Variants in MAP3K9 observed in about 807,000 individuals in gnomAD.
MAP3K9 encodes the protein mitogen-activated protein kinase kinase kinase 9, also known as mixed lineage kinase 1 (tyr and ser/thr specificity).
In MAP3K9, 46 loss-of-function variants were observed where a neutral mutation model predicts 95.8. The observed-to-expected ratio is 0.48, with a 90% CI of 0.38 to 0.61. MAP3K9 has a LOEUF of 0.61. Ranked by LOEUF, MAP3K9 falls within the 20% of genes least tolerant of loss-of-function variation. MAP3K9 has a pLI of 0.00. For missense variants in MAP3K9, 1,296 were observed against 1,474.3 expected, an observed-to-expected ratio of 0.88 and a Z score of 1.98; for synonymous variants, 533 against 593.8, an observed-to-expected ratio of 0.90 and a Z score of 1.49.
intron 10 of MAP3K9, chr14:70,733,777 A>T (rs2053947079): frequency 1.4e-6 from 1 of 718,420 alleles, no homozygotes; most frequent in Non-Finnish European, 2.6e-6. Context: ...GATGGGCACC[A>T]CCCAACTGGC....
chr14:70,777,648 G>A (rs1307375074), intron 2 of MAP3K9, among the ~76,000 whole-genome samples: 1 of 152,012 alleles, frequency 6.6e-6, no homozygotes, highest in Non-Finnish European at 1.5e-5. Context: ...AAGGACCACT[G>A]GTCACCAGAG....
intron 3 of MAP3K9, among the ~76,000 whole-genome samples, chr14:70,760,728 A>T (rs1199987208): frequency 1.3e-5 from 2 of 152,112 alleles, no homozygotes; most frequent in Non-Finnish European, 2.9e-5. Context: ...ATGGGAGTAC[A>T]TGTTGCCCCT....
chr14:70,789,341 A>G (rs2054782369), intron 2 of MAP3K9, among the ~76,000 whole-genome samples: 1 of 152,214 alleles, frequency 6.6e-6, no homozygotes, highest in South Asian at 2.1e-4. Flanking sequence ...AGGGCTGCCT[A>G]AAATCCTCTT....
chr14:70,742,266 A>G, intron 6 of MAP3K9, 85 bp downstream of exon 6: 4 of 1,526,158 alleles, frequency 2.6e-6, no homozygotes, highest in Non-Finnish European at 3.5e-6. Flanking sequence ...CATGTTTCCA[A>G]GCTCAGTCCC....
chr14:70,798,134 C>A (rs2054885011), intron 2 of MAP3K9, among the ~76,000 whole-genome samples: 1 of 152,216 alleles, frequency 6.6e-6, no homozygotes. Context: ...CCCTCTCCTA[C>A]AAACAGCAGA....
chr14:70,773,542 TTAC>T (rs1254304714), intron 2 of MAP3K9, among the ~76,000 whole-genome samples: 1 of 152,202 alleles, frequency 6.6e-6, no homozygotes, highest in Non-Finnish European at 1.5e-5. Context: ...CTCAGAACAT[TTAC>T]TACATTTTCC....
intron 2 of MAP3K9, among the ~76,000 whole-genome samples, chr14:70,794,648 C>A (rs986683286): frequency 1.3e-5 from 2 of 151,292 alleles, no homozygotes; most frequent in African/African-American, 4.9e-5. Flanking sequence ...GTGTTTTTAC[C>A]CCTGTTTTTC....
chr14:70,757,914 G>C (rs886345463), intron 3 of MAP3K9, among the ~76,000 whole-genome samples: 5 of 152,062 alleles, frequency 3.3e-5, no homozygotes, highest in African/African-American at 4.8e-5. Flanking sequence ...AAATGGATCA[G>C]AGACATAAAA....
At chr14:70,766,148 T>C (rs2054452362) in intron 2 of MAP3K9, among the ~76,000 whole-genome samples, 1 of 152,078 alleles carries the variant, frequency 6.6e-6, no homozygotes, top group Non-Finnish European at 1.5e-5. Flanking sequence ...AAAAGCCCAT[T>C]TGAAGAAGCC....
At position 70,733,009 on chromosome 14, in the gene MAP3K9, G is replaced by A. The variant is rs367998651; in HGVS notation, c.2360C>T (p.Ala787Val). 1.5e-5 allele frequency: 24 copies of A among 1,614,030 alleles called. No individual in the cohort carries two copies. In the African/African-American group the frequency reaches 2.9e-4, roughly 20 times the overall value. The change falls in exon 11 of 12, where the codon GCC (alanine) becomes GTC (valine). Residue 787 changes from alanine (A) to valine (V), a missense_variant. Transcript: ENST00000554752. ...LLPLEEPEPP[A>V]REEKKRREGL... ...CTCCCGTCTTTTCTTCTCCTCCCGG[G>A]CTGGTGGCTCAGGCTCCTCCAGGGG...
At chr14:70,749,153 C>G (rs2054191567) in intron 4 of MAP3K9, 149 bp from the exon 5 acceptor site, 1 of 708,738 alleles carries the variant, frequency 1.4e-6, no homozygotes, top group Non-Finnish European at 2.3e-6. Context: ...TCAAATAAGG[C>G]TCAGGAAGTA....
chr14:70,797,300 C>A lies in MAP3K9; in HGVS notation c.820+3367G>T, dbSNP rs558749456. ...GGAAAACAAACCAGTGTTCCCAAGTCTATAAAATACAAAGAAGTTATGGCT... is the reference window on the plus strand; with the variant it reads ...GGAAAACAAACCAGTGTTCCCAAGTATATAAAATACAAAGAAGTTATGGCT... On this transcript the variant is annotated intron_variant, in intron 2 of 11. Transcript: ENST00000554752. Among the ~76,000 whole-genome samples the A allele has an allele frequency of 2.6e-5, 4 of 152,168 alleles. No individual in the cohort carries two copies. In the East Asian group the frequency reaches 7.7e-4, roughly 29 times the overall value.
intron 2 of MAP3K9, among the ~76,000 whole-genome samples, chr14:70,763,429 C>A (rs932682893): frequency 3.3e-5 from 5 of 152,156 alleles, no homozygotes; most frequent in Non-Finnish European, 7.3e-5. Flanking sequence ...TGTAAACAAA[C>A]CTACTGTGCA....
rs757095313 is a variant in MAP3K9 at position 70,742,332 on chromosome 14, C to A, written c.1567+19G>T. 1.3e-5 allele frequency: 21 copies of A among 1,609,468 alleles called. No homozygotes were observed. In the East Asian group the frequency reaches 4.5e-4, roughly 34 times the overall value. ...TCTTTGCCCTGCTCCCACTTCCCAG[C>A]CAGTCCCCGGCCACTGACCAGAAGG... On this transcript the variant is annotated intron_variant, in intron 6 of 11. Transcript: ENST00000554752.
In MAP3K9 at chr14:70,740,017, C is replaced by T. The variant is rs747048431; in HGVS notation, c.1690+25G>A. ...CAGGTGCCCCTGTGTGTTCTGGCCC[C>T]AGCTAATTTGGGAAACAGTCTCACA... On this transcript the variant is annotated intron_variant, in intron 7 of 11. Transcript: ENST00000554752. The T allele has an allele frequency of 1.9e-6, 3 of 1,614,014 alleles. No homozygotes were observed. The African/African-American group carries it at 4.0e-5, about 22-fold the overall frequency.
rs555772449 is a variant in MAP3K9, at chr14:70,764,224, G to A, written c.821-3042C>T. 8.4e-5 allele frequency among the ~76,000 whole-genome samples: 12 copies of A among 143,000 alleles called. No homozygotes were observed. In the East Asian group the frequency reaches 2.4e-3, roughly 29 times the overall value. The allele number at this position is 143,000 out of a possible 152,430, so 93.8% of individuals were successfully genotyped here. A position where few individuals can be genotyped will look rare whatever the true frequency, so the allele number is the denominator to read the frequency against. On this transcript the variant is annotated intron_variant, in intron 2 of 11. Transcript: ENST00000554752. ...AAAAAAAAAAAGTTAACTGTAAAAC[G>A]GCATCAGGCAGGTTCTTCAGGAAGT...
intron 2 of MAP3K9, among the ~76,000 whole-genome samples, chr14:70,782,397 A>G (rs1348961885): frequency 6.6e-6 from 1 of 152,182 alleles, no homozygotes; most frequent in Non-Finnish European, 1.5e-5. Flanking sequence ...TGTGACCTGC[A>G]CTTCACCCCA....
chr14:70,733,866 T>C (rs1050364203), intron 10 of MAP3K9: 24 of 714,634 alleles, frequency 3.4e-5, no homozygotes, highest in Middle Eastern at 2.7e-4. Flanking sequence ...GTTTCTCCCT[T>C]CTGGAGAGGG....
At chr14:70,801,195 CTG>C in intron 1 of MAP3K9, 115 bp from the exon 2 acceptor site, 1 of 963,862 alleles carries the variant, frequency 1.0e-6, no homozygotes. Flanking sequence ...CTGGGCCTTT[CTG>C]TCTCCCCATT....
Sources: allele counts gnomAD v4.1 joint callset (sites outside exome capture counted in the v4.1 genomes callset), GRCh38; gene constraint gnomAD v4.1.1; transcripts MANE v1.5; gene names NCBI Gene and HGNC (gene_info 2026-07-23, HGNC 2026-07-21).